LLGL2: variants seen among roughly 807,000 people sequenced by gnomAD.
LLGL2 encodes LLGL2, scribble cell polarity complex component.
LLGL2 carries 81 observed loss-of-function variants against 123.2 expected under a neutral mutation model. The observed-to-expected ratio is 0.66, with a 90% confidence interval of 0.55 to 0.79. The LOEUF is 0.79. Among genes scored for constraint, LLGL2 ranks in the 30% least tolerant of loss-of-function variants. LLGL2 has a pLI of 0.00. For missense variants in LLGL2, 1,273 were observed against 1,414.6 expected (o/e 0.90, Z 1.61); for synonymous variants, 577 against 594.1 (o/e 0.97, Z 0.42).
At chr17:75,572,264 A>G (rs1165368076) in intron 19 of LLGL2, among the ~76,000 whole-genome samples, 200 bp downstream of exon 19, 2 of 152,142 alleles carry the variant, frequency 1.3e-5, no homozygotes, top group Non-Finnish European at 2.9e-5. Flanking sequence ...GCGGTGACTC[A>G]TGCCTGTAAT....
chr17:75,525,704 A>C lies in LLGL2; in HGVS notation c.-152A>C, dbSNP rs1395187930. ...CTCCGCCCCAGGCTCGCCGCGCCGGAGGTGAGCAGGAAGGAGACGGCCGCC... is the reference window on the plus strand; with the variant it reads ...CTCCGCCCCAGGCTCGCCGCGCCGGCGGTGAGCAGGAAGGAGACGGCCGCC... On this transcript the variant is annotated 5_prime_UTR_variant, in exon 1 of 26. Transcript: ENST00000392550. This position sits in a 1 kb window ranked among gnomAD's most constrained non-coding sequence, Gnocchi z 4.8. 1 of 150,150 alleles carries C rather than the reference A, an allele frequency of 6.7e-6. No homozygotes were observed. The highest frequency in any genetic ancestry group is 1.5e-5 in the Non-Finnish European group (1 of 67,318). The allele number at this position is 150,150 out of a possible 1,614,324, so 9.3% of individuals were successfully genotyped here. A position where few individuals can be genotyped will look rare whatever the true frequency, so the allele number is the denominator to read the frequency against.
In LLGL2 at chr17:75,570,457, G is replaced by A. The variant is rs776018169; in HGVS notation, c.1984G>A (p.Val662Met). 4 of 1,593,262 alleles carry A rather than the reference G, an allele frequency of 2.5e-6. No individual in the cohort carries two copies. In the South Asian group the frequency reaches 4.5e-5, roughly 18 times the overall value. The change falls in exon 16 of 26, where the codon GTG becomes ATG. Residue 662 changes from valine to methionine, a missense_variant. Physicochemically the swap from Val to Met is conservative, Grantham distance 21 (BLOSUM62 1). Coordinates refer to ENST00000392550, the MANE Select transcript of LLGL2 (RefSeq NM_001031803.2). ...QSFRRMRRSR[V>M]SSRKRHPAGP... ...ATTCCGCCGGATGCGTCGGAGCCGG[G>A]TGTCCAGCCGGAAGCGGCACCCGGC...
chr17:75,561,239 A>T (rs1335492240), intron 6 of LLGL2, among the ~76,000 whole-genome samples: 2 of 152,216 alleles, frequency 1.3e-5, no homozygotes, highest in African/African-American at 4.8e-5. Context: ...TGTCCTAAAG[A>T]TATAGGATAA....
In LLGL2 at chr17:75,570,980, C is replaced by T. The variant is rs1008443817; in HGVS notation, c.2056C>T (p.Pro686Ser). 3.8e-5 allele frequency: 62 copies of T among 1,611,906 alleles called. No homozygotes were observed. Among genetic ancestry groups the T allele is most frequent in the Non-Finnish European group, 4.9e-5 (58 of 1,179,418 alleles). Residue 686 changes from proline (P) to serine (S), a missense_variant, in exon 17 of 26, where the codon CCA becomes TCA. By Grantham distance (74) the Pro-to-Ser change is moderately conservative. Transcript: ENST00000392550. The stretch of plus-strand genomic sequence containing the variant: ...GGAGGGGAGTGCCAAGGCTGAGCGG[C>T]CAGGCCTCCAGAACATGGAGCTGGC... ...AQEGSAKAER[P>S]GLQNMELAPV...
rs768022991 is a variant in LLGL2 at position 75,559,416 on chromosome 17, C to T, written c.530+6C>T. On this transcript the variant is annotated splice_donor_region_variant and intron_variant, in intron 6 of 25. Transcript: ENST00000392550. The surrounding 1 kb of genome is among the most constrained non-coding windows in gnomAD (Gnocchi z 4.6). Reference sequence around the variant, plus strand: ...TCGGACGCGGTGCTGCAGCGGTGAGCCCAGAGCCCAGCTGCTGTTAACTCC... The same window carrying T: ...TCGGACGCGGTGCTGCAGCGGTGAGTCCAGAGCCCAGCTGCTGTTAACTCC... 6 of 1,596,252 alleles carry T rather than the reference C, an allele frequency of 3.8e-6. No homozygotes were observed. The highest frequency in any genetic ancestry group is 5.1e-6 in the Non-Finnish European group (6 of 1,172,194).
chr17:75,572,063 A>G lies in LLGL2; in HGVS notation c.2459A>G (p.Lys820Arg), dbSNP rs776072926. Residue 820 changes from lysine (K) to arginine (R), a missense_variant and splice_region_variant, in exon 19 of 26, where the codon AAG becomes AGG. Physicochemically the swap from Lys to Arg is conservative, Grantham distance 26. Coordinates refer to ENST00000392550, the MANE Select transcript of LLGL2 (RefSeq NM_001031803.2). The stretch of plus-strand genomic sequence containing the variant: ...CTCGTCGTATCAGAGGAGCAGTTCA[A>G]GGTGCCACACGGGCAGCGGCGGGTC... The part of the protein sequence containing the change: ...QLLVVSEEQF[K>R]VFTLPKVSAK... 25 of 1,610,072 alleles carry G rather than the reference A, an allele frequency of 1.6e-5. No homozygotes were observed. The East Asian group carries it at 3.8e-4, about 24-fold the overall frequency.
In LLGL2 at chr17:75,571,118, G is replaced by C. The variant is rs752768715; in HGVS notation, c.2176+18G>C. ...GAAGGACAGTGAGTGGCCAGCCTGGGGTTGGGGGGCAGGGGGTAGTGGGCA... is the reference window on the plus strand; with the variant it reads ...GAAGGACAGTGAGTGGCCAGCCTGGCGTTGGGGGGCAGGGGGTAGTGGGCA... On this transcript the variant is annotated intron_variant, in intron 17 of 25. Coordinates refer to ENST00000392550, the MANE Select transcript of LLGL2 (RefSeq NM_001031803.2). The C allele has an allele frequency of 1.9e-6, 3 of 1,600,148 alleles. No homozygotes were observed. Among genetic ancestry groups the C allele is most frequent in the Middle Eastern group, 1.7e-4 (1 of 6,006 alleles).
chr17:75,574,365 A>C (rs1367637653), intron 23 of LLGL2, 88 bp from the exon 24 acceptor site: 3 of 1,533,224 alleles, frequency 2.0e-6, no homozygotes, highest in South Asian at 2.4e-5. Context: ...GTACAGATCC[A>C]TGGGCACCCA....
In LLGL2 at chr17:75,549,903, C is replaced by T. The variant is rs2054590618; in HGVS notation, c.76-6143C>T. On this transcript the variant is annotated intron_variant, in intron 2 of 25. Coordinates refer to ENST00000392550, the MANE Select transcript of LLGL2 (RefSeq NM_001031803.2). The surrounding 1 kb of genome is among the most constrained non-coding windows in gnomAD (Gnocchi z 4.0). ...AGAGCCCAGGAGAGACGGGCCTTCT[C>T]CCCTACTCCAGGCTAACGTTGCAGT... Among the ~76,000 whole-genome samples the T allele has an allele frequency of 6.6e-6, 1 of 152,236 alleles. No homozygotes were observed. The highest frequency in any genetic ancestry group is 1.5e-5 in the Non-Finnish European group (1 of 68,032).
At chr17:75,572,865 C>A in intron 19 of LLGL2, 149 bp from the exon 20 acceptor site, 2 of 914,238 alleles carry the variant, frequency 2.2e-6, no homozygotes, top group Non-Finnish European at 3.2e-6. Context: ...GTGACCTCGG[C>A]ATCCTCCCAG....
chr17:75,572,242 A>G (rs1265598024), intron 19 of LLGL2, among the ~76,000 whole-genome samples, 178 bp downstream of exon 19: 1 of 152,144 alleles, frequency 6.6e-6, no homozygotes, highest in East Asian at 1.9e-4. Context: ...GAGGCAGGAC[A>G]GGGGGCCAGG....
chr17:75,569,935 TTGCTGAGCCACCTGCCACCC>T lies in LLGL2; in HGVS notation c.1582-24_1582-5del. 6.4e-7 allele frequency: 1 copy of T among 1,555,194 alleles called. No individual in the cohort carries two copies. Among genetic ancestry groups the T allele is most frequent in the Non-Finnish European group, 8.7e-7 (1 of 1,147,930 alleles). ...GCCCTGCCGTCCCTTTGCTGAGGGCTTGCTGAGCCACCTGCCACCCTGCGCAGGTGCTGGTACTGGAACTG... is the reference window on the plus strand; with the variant it reads ...GCCCTGCCGTCCCTTTGCTGAGGGCTTGCGCAGGTGCTGGTACTGGAACTG... On this transcript the variant is annotated splice_polypyrimidine_tract_variant and splice_region_variant and intron_variant, in intron 14 of 25. Coordinates refer to ENST00000392550, the MANE Select transcript of LLGL2 (RefSeq NM_001031803.2).
rs2054577525 is a variant in LLGL2, at chr17:75,549,605, A to G, written c.75+6104A>G. On this transcript the variant is annotated intron_variant, in intron 2 of 25. Transcript: ENST00000392550. This position sits in a 1 kb window ranked among gnomAD's most constrained non-coding sequence, Gnocchi z 4.0. ...ACACAGGGAGGGCCAGGCTGCCGCC[A>G]CTGCCAGGAATCTGAGCTGGCCACA... Among the ~76,000 whole-genome samples the G allele has an allele frequency of 1.3e-5, 2 of 152,194 alleles. No individual in the cohort carries two copies. The highest frequency in any genetic ancestry group is 4.1e-4 in the South Asian group (2 of 4,834).
chr17:75,531,663 G>GT (rs767906027), intron 1 of LLGL2, among the ~76,000 whole-genome samples: 158 of 152,204 alleles, frequency 1.0e-3, no homozygotes, highest in Non-Finnish European at 1.1e-3. Flanking sequence ...GGAGACGGGC[G>GT]TCCCCCAGCG....
chr17:75,540,823 G>A (rs2054178574), intron 1 of LLGL2, among the ~76,000 whole-genome samples: 1 of 152,158 alleles, frequency 6.6e-6, no homozygotes, highest in East Asian at 1.9e-4. Flanking sequence ...CCAGATCAGG[G>A]TGGTGTGAGG....
In LLGL2 at chr17:75,550,507, G is replaced by A. The variant is rs549956705; in HGVS notation, c.76-5539G>A. Among the ~76,000 whole-genome samples, 123 of 152,208 alleles carry A rather than the reference G, an allele frequency of 8.1e-4. 1 individual carries two copies. In the South Asian group the frequency reaches 0.012, roughly 14 times the overall value. Reference sequence around the variant, plus strand: ...ACCAAAGTAAGGGGCGGGGCAGGCCGGGCGCGGTGGCTTACACCTGTAATC... The same window carrying A: ...ACCAAAGTAAGGGGCGGGGCAGGCCAGGCGCGGTGGCTTACACCTGTAATC... On this transcript the variant is annotated intron_variant, in intron 2 of 25. Coordinates refer to ENST00000392550, the MANE Select transcript of LLGL2 (RefSeq NM_001031803.2).
Position 75,525,884 on chromosome 17 carries a change from G to GCGGGGAGGC in LLGL2, c.-31+61_-31+69dup, listed in dbSNP as rs957491354. 1 of 151,934 alleles carries GCGGGGAGGC rather than the reference G, an allele frequency of 6.6e-6. No homozygotes were observed. The highest frequency in any genetic ancestry group is 6.5e-5 in the Admixed American group (1 of 15,270). The allele number at this position is 151,934 out of a possible 1,614,324, so 9.4% of individuals were successfully genotyped here. On this transcript the variant is annotated intron_variant, in intron 1 of 25. Transcript: ENST00000392550. This position sits in a 1 kb window ranked among gnomAD's most constrained non-coding sequence, Gnocchi z 4.8. ...CGCCCCCTCGGGGCTTCCACCTGGG[G>GCGGGGAGGC]CGGGGAGGCCAGGGAGGCCCAGGAC...
rs532555334 is a variant in LLGL2 at position 75,565,881 on chromosome 17, A to G, written c.1036+1374A>G. On this transcript the variant is annotated intron_variant, in intron 10 of 25. Coordinates refer to ENST00000392550, the MANE Select transcript of LLGL2 (RefSeq NM_001031803.2). ...CTCTCCTGTTTAATGAGCAACTGCT[A>G]TATGCCAGGCCCTGTTCTAGAAACA... Among the ~76,000 whole-genome samples, 10 of 152,328 alleles carry G rather than the reference A, an allele frequency of 6.6e-5. No individual in the cohort carries two copies. In the East Asian group the frequency reaches 1.4e-3, roughly 21 times the overall value.
At chr17:75,543,090 T>C (rs1428860897) in intron 1 of LLGL2, 1 of 194,230 alleles carries the variant, frequency 5.1e-6, no homozygotes, top group Non-Finnish European at 1.0e-5. Flanking sequence ...ATTAAGCTAA[T>C]TAACCTCAGG....
Sources: gnomAD v4.1 joint callset for allele counts (sites outside exome capture counted in the v4.1 genomes callset) on GRCh38, gnomAD v4.1.1 for gene constraint, Gnocchi (gnomAD v3.1) non-coding constraint, MANE v1.5 for transcripts, NCBI Gene and HGNC (gene_info 2026-07-23, HGNC 2026-07-21) for gene names.